Variants in MALRD1 observed in about 807,000 individuals in gnomAD.
The protein encoded by MALRD1 is MAM and LDL-receptor class A domain-containing protein 1.
In MALRD1, 247 loss-of-function variants were observed where a neutral mutation model predicts 242.1. The observed-to-expected ratio is 1.02, with a 90% confidence interval of 0.92 to 1.13. The LOEUF (loss-of-function observed/expected upper bound fraction) is 1.13. Ranked by LOEUF, MALRD1 falls within the 50% of genes most tolerant of loss-of-function variation. MALRD1 has a pLI of 0.00. For missense variants in MALRD1, 2,989 were observed against 2,533.1 expected (o/e 1.18, Z -3.86); for synonymous variants, 995 against 866.6 (o/e 1.15, Z -2.60).
chr10:19,213,193 C>T (rs2131638844), intron 18 of MALRD1, among the ~76,000 whole-genome samples: 1 of 152,136 alleles, frequency 6.6e-6, no homozygotes, highest in South Asian at 2.1e-4. Flanking sequence ...CACATCTTCC[C>T]TCTCCTCTCC....
At chr10:19,356,279 T>G (rs1015911786) in intron 26 of MALRD1, among the ~76,000 whole-genome samples, 2 of 152,186 alleles carry the variant, frequency 1.3e-5, no homozygotes, top group South Asian at 2.1e-4. Context: ...TGTATCTATA[T>G]GGAAGGGAGG....
chr10:19,331,634 T>C (rs1843378078), intron 24 of MALRD1, 52 bp downstream of exon 24: 1 of 1,352,626 alleles, frequency 7.4e-7, no homozygotes, highest in South Asian at 1.3e-5. Flanking sequence ...CCCACAGCCT[T>C]ACTCAATATC....
intron 29 of MALRD1, among the ~76,000 whole-genome samples, chr10:19,481,296 G>A (rs1254754131): frequency 1.3e-5 from 2 of 152,114 alleles, no homozygotes; most frequent in African/African-American, 4.8e-5. Flanking sequence ...AGTTTCAGAC[G>A]TGTTGCTATT....
chr10:19,578,108 AAC>A (rs943237510), intron 33 of MALRD1, among the ~76,000 whole-genome samples: 2 of 151,726 alleles, frequency 1.3e-5, no homozygotes, highest in Non-Finnish European at 2.9e-5. Flanking sequence ...AGGAGAATGC[AAC>A]ACTGTTTTAC....
intron 8 of MALRD1, among the ~76,000 whole-genome samples, chr10:19,128,624 G>T (rs1013278882): frequency 3.3e-5 from 5 of 152,102 alleles, no homozygotes; most frequent in African/African-American, 1.2e-4. Context: ...ATTCATGGAA[G>T]TATATTAAAG....
chr10:19,205,341 C>A, intron 17 of MALRD1, 76 bp downstream of exon 17: 1 of 1,438,232 alleles, frequency 7.0e-7, no homozygotes, highest in Non-Finnish European at 9.1e-7. Flanking sequence ...TTTTGTCTTG[C>A]CAATCAAACC....
chr10:19,502,764 A>C (rs1838033894), intron 31 of MALRD1, among the ~76,000 whole-genome samples: 1 of 152,224 alleles, frequency 6.6e-6, no homozygotes, highest in African/African-American at 2.4e-5. Context: ...TGAAAACTAC[A>C]GAGCATGTCT....
At chr10:19,490,537 T>A (rs1180606657) in intron 29 of MALRD1, among the ~76,000 whole-genome samples, 1 of 24,018 alleles carries the variant, frequency 4.2e-5, no homozygotes, top group Non-Finnish European at 9.2e-5. Context: ...GGGGTGAGGG[T>A]AGAGTGGGGG....
intron 21 of MALRD1, among the ~76,000 whole-genome samples, chr10:19,310,143 G>C (rs757345388): frequency 7.9e-5 from 12 of 151,386 alleles, no homozygotes; most frequent in Non-Finnish European, 1.6e-4. Context: ...ACTGAGTAAA[G>C]GTCCTCACAG....
At chr10:19,054,714 T>C (rs1463724702) in intron 1 of MALRD1, among the ~76,000 whole-genome samples, 1 of 152,198 alleles carries the variant, frequency 6.6e-6, no homozygotes, top group Non-Finnish European at 1.5e-5. Context: ...GGTTCATTCG[T>C]GTTGTCACGA....
intron 38 of MALRD1, among the ~76,000 whole-genome samples, chr10:19,715,617 A>T (rs1347650021): frequency 6.6e-6 from 1 of 152,098 alleles, no homozygotes; most frequent in Non-Finnish European, 1.5e-5. Context: ...TACTTGTATT[A>T]CTCCATTTGG....
In MALRD1 at chr10:19,692,608, T is replaced by C. The variant is rs376999630; in HGVS notation, c.6314+54T>C. 4.5e-5 allele frequency: 62 copies of C among 1,375,432 alleles called. 1 individual carries two copies. In the African/African-American group the frequency reaches 6.8e-4, roughly 15 times the overall value. The allele number at this position is 1,375,432 out of a possible 1,614,324, so 85.2% of individuals were successfully genotyped here. A position where few individuals can be genotyped will look rare whatever the true frequency, so the allele number is the denominator to read the frequency against. On this transcript the variant is annotated intron_variant, in intron 38 of 39. Transcript: ENST00000454679. ...AATATACCGTAGCAGAAAAATTTTCTTCAACATTTCCTTTGCTATTTTTTT... is the reference window on the plus strand; with the variant it reads ...AATATACCGTAGCAGAAAAATTTTCCTCAACATTTCCTTTGCTATTTTTTT...
chr10:19,725,495 C>G (rs544434862), intron 38 of MALRD1, among the ~76,000 whole-genome samples: 1 of 152,282 alleles, frequency 6.6e-6, no homozygotes, highest in African/African-American at 2.4e-5. Context: ...TACCCAGGCT[C>G]AGGTATTTCT....
rs200967295 is a variant in MALRD1 at position 19,088,563 on chromosome 10, GTT to G, written c.597+386_597+387del. Among the ~76,000 whole-genome samples the G allele has an allele frequency of 1.3e-3, 101 of 76,866 alleles. 5 individuals are homozygous for G. The East Asian group carries it at 0.025, about 19-fold the overall frequency. 50.4% of individuals were successfully genotyped at this position (76,866 alleles called of 152,430 possible). On this transcript the variant is annotated intron_variant, in intron 4 of 39. Transcript: ENST00000454679. ...TTTTTTTTTTTTTTTATTTTATAAA[GTT>G]TTTTTTTATTTATTTATTTATTTAT...
chr10:19,523,482 G>A (rs1020698365), intron 31 of MALRD1, among the ~76,000 whole-genome samples: 7 of 152,008 alleles, frequency 4.6e-5, no homozygotes, highest in Non-Finnish European at 7.4e-5. Flanking sequence ...TTGCCTTCTC[G>A]CATGACCATG....
chr10:19,186,403 G>A (rs1017852587), intron 14 of MALRD1, among the ~76,000 whole-genome samples: 1 of 152,146 alleles, frequency 6.6e-6, no homozygotes, highest in Non-Finnish European at 1.5e-5. Flanking sequence ...ACTGATCTCC[G>A]ATAAAGAAAA....
At chr10:19,537,041 C>A (rs7092917) in intron 32 of MALRD1, among the ~76,000 whole-genome samples, 1 of 152,032 alleles carries the variant, frequency 6.6e-6, no homozygotes. Context: ...TAATGAAAAA[C>A]CTCCCATGTA....
intron 5 of MALRD1, among the ~76,000 whole-genome samples, chr10:19,112,085 C>T (rs1054784164): frequency 3.3e-5 from 5 of 151,700 alleles, no homozygotes; most frequent in Non-Finnish European, 7.4e-5. Flanking sequence ...TGATTCTGGG[C>T]TTCACTCCAG....
rs1324570800 is a variant in MALRD1, at chr10:19,209,418, A to C, written c.2729A>C (p.His910Pro). 2 of 1,551,024 alleles carry C rather than the reference A, an allele frequency of 1.3e-6. No homozygotes were observed. Among genetic ancestry groups the C allele is most frequent in the South Asian group, 2.4e-5 (2 of 84,052 alleles). Residue 910 changes from histidine to proline, a missense_variant, in exon 18 of 40, where the codon CAC becomes CCC. Physicochemically the swap from His to Pro is moderately conservative, Grantham distance 77. Transcript: ENST00000454679. ...KDNTLGTAKG[H>P]YLYIESSEPQ... ...AACACTCTGGGCACAGCTAAAGGAC[A>C]CTATCTCTACATAGAATCTTCAGAG...
Sources: gnomAD v4.1 joint callset for allele counts (sites outside exome capture counted in the v4.1 genomes callset) on GRCh38, gnomAD v4.1.1 for gene constraint, MANE v1.5 for transcripts, NCBI Gene and HGNC (gene_info 2026-07-23, HGNC 2026-07-21) for gene names.